ATG10: variants seen among roughly 807,000 people sequenced by gnomAD.
ATG10 encodes the protein autophagy related 10, also known as ubiquitin-like-conjugating enzyme ATG10.
ATG10 carries 30 observed loss-of-function variants against 32.1 expected under a neutral mutation model. That is an observed-to-expected ratio of 0.94 (90% CI 0.70 to 1.27). The LOEUF is 1.27. Among genes scored for constraint, ATG10 ranks in the 50% most tolerant of loss-of-function variants. The probability of loss-of-function intolerance (pLI) is 0.00; values close to 1 mark genes in which losing one functional copy is unlikely to be tolerated. For missense variants in ATG10, 233 were observed against 262.3 expected (o/e 0.89, Z 0.77); for synonymous variants, 87 against 91.5 (o/e 0.95, Z 0.28).
At chr5:82,202,199 A>G (rs1745095315) in intron 5 of ATG10, among the ~76,000 whole-genome samples, 1 of 152,196 alleles carries the variant, frequency 6.6e-6, no homozygotes, top group Non-Finnish European at 1.5e-5. Context: ...TCAGTTGGCC[A>G]GGCTATGGTA....
Position 82,046,386 on chromosome 5 carries a change from C to T in ATG10, c.109-12109C>T, listed in dbSNP as rs1763237774. Among the ~76,000 whole-genome samples, 5 of 152,282 alleles carry T rather than the reference C, an allele frequency of 3.3e-5. No individual in the cohort carries two copies. In the South Asian group the frequency reaches 1.0e-3, roughly 32 times the overall value. On this transcript the variant is annotated intron_variant, in intron 2 of 7. Transcript: ENST00000282185. ...AAATTTGGCCACAGAGACCCAGACA[C>T]ACAGGGGAGAAGGCTGTGTAAAGAC...
At position 82,067,866 on chromosome 5, in the gene ATG10, C is replaced by T. The variant is rs1763988677; in HGVS notation, c.216+9264C>T. Among the ~76,000 whole-genome samples the T allele has an allele frequency of 2.0e-5, 3 of 152,026 alleles. No individual in the cohort carries two copies. In the South Asian group the frequency reaches 6.2e-4, roughly 32 times the overall value. ...AAGTTATATCAGAAAGTTTTCTTTA[C>T]ATATAGTTGTAATTTTGAGGTATTT... On this transcript the variant is annotated intron_variant, in intron 3 of 7. Coordinates refer to ENST00000282185, the MANE Select transcript of ATG10 (RefSeq NM_031482.5).
In ATG10 at chr5:82,138,274, G is replaced by GA. The variant is rs753024733; in HGVS notation, c.217-26116dup. 4.2e-3 allele frequency among the ~76,000 whole-genome samples: 629 copies of GA among 151,404 alleles called. 12 individuals carry two copies. Among genetic ancestry groups the GA allele is most frequent in the Non-Finnish European group, 2.0e-3 (138 of 67,740 alleles). On this transcript the variant is annotated intron_variant, in intron 3 of 7. Coordinates refer to ENST00000282185, the MANE Select transcript of ATG10 (RefSeq NM_031482.5). The stretch of plus-strand genomic sequence containing the variant: ...GGTGTTCCAGGAGCCACTGGGGTAT[G>GA]AAAAAAAAACTCCTGCAGCTACCTT...
chr5:82,202,237 A>C (rs1745096482), intron 5 of ATG10, among the ~76,000 whole-genome samples: 1 of 152,174 alleles, frequency 6.6e-6, no homozygotes, highest in Non-Finnish European at 1.5e-5. Flanking sequence ...ACATTATTCT[A>C]GCTGTTTCTC....
chr5:82,226,401 A>G (rs949733667), intron 5 of ATG10, among the ~76,000 whole-genome samples: 1 of 151,836 alleles, frequency 6.6e-6, no homozygotes, highest in Non-Finnish European at 1.5e-5. Context: ...TTGGTAGACT[A>G]TGTATAGTCA....
chr5:82,137,267 G>A (rs1432530137), intron 3 of ATG10, among the ~76,000 whole-genome samples: 7 of 151,952 alleles, frequency 4.6e-5, no homozygotes, highest in Non-Finnish European at 5.9e-5. Flanking sequence ...GCAAGCAGTT[G>A]TGATCCTTGA....
intron 4 of ATG10, among the ~76,000 whole-genome samples, chr5:82,167,223 A>G (rs552021435): frequency 6.6e-5 from 10 of 152,282 alleles, no homozygotes; most frequent in Admixed American, 5.9e-4. Flanking sequence ...CTATTATATC[A>G]CAATTTGTAC....
chr5:81,988,825 CTG>C (rs1399746460), intron 2 of ATG10, among the ~76,000 whole-genome samples: 1 of 152,084 alleles, frequency 6.6e-6, no homozygotes, highest in Non-Finnish European at 1.5e-5. Context: ...CTGTCAAAAA[CTG>C]TTTTTTTGTT....
intron 3 of ATG10, among the ~76,000 whole-genome samples, chr5:82,132,661 G>A (rs1341204269): frequency 7.2e-5 from 11 of 151,938 alleles, no homozygotes; most frequent in Admixed American, 2.6e-4. Flanking sequence ...TCATTGATGG[G>A]CATTTGGGTT....
chr5:82,146,429 T>G (rs999922466), intron 3 of ATG10, among the ~76,000 whole-genome samples: 2 of 152,088 alleles, frequency 1.3e-5, no homozygotes, highest in African/African-American at 4.8e-5. Context: ...AGAGTGGTTG[T>G]CTAAACTTCT....
At chr5:82,237,636 C>T (rs1746618068) in intron 5 of ATG10, among the ~76,000 whole-genome samples, 1 of 150,936 alleles carries the variant, frequency 6.6e-6, no homozygotes, top group African/African-American at 2.4e-5. Flanking sequence ...GAGCGAGATT[C>T]CTTCTCAAAA....
At chr5:82,252,730 T>C in intron 6 of ATG10, 71 bp downstream of exon 6, 1 of 867,328 alleles carries the variant, frequency 1.2e-6, no homozygotes, top group Non-Finnish European at 1.8e-6. Context: ...TATGTGACTC[T>C]AAATGCTAGG....
chr5:82,117,494 G>A (rs1475253906), intron 3 of ATG10, among the ~76,000 whole-genome samples: 1 of 152,104 alleles, frequency 6.6e-6, no homozygotes, highest in Non-Finnish European at 1.5e-5. Flanking sequence ...TCTTTGTCTT[G>A]TCTGGTTTTG....
intron 2 of ATG10, among the ~76,000 whole-genome samples, chr5:81,991,200 C>T (rs917009525): frequency 6.6e-5 from 10 of 152,184 alleles, no homozygotes; most frequent in African/African-American, 1.9e-4. Context: ...GTGAATCAGT[C>T]GCTTGGTTAT....
At chr5:82,075,326 C>T (rs1428914351) in intron 3 of ATG10, among the ~76,000 whole-genome samples, 3 of 152,232 alleles carry the variant, frequency 2.0e-5, no homozygotes, top group African/African-American at 7.2e-5. Context: ...TTTTCAGTGC[C>T]TGAAACATGT....
chr5:82,184,022 G>A (rs1744351400), intron 5 of ATG10, among the ~76,000 whole-genome samples: 1 of 152,182 alleles, frequency 6.6e-6, no homozygotes, highest in Non-Finnish European at 1.5e-5. Context: ...TTAGTGGTAT[G>A]ACAAGTGGTT....
At chr5:82,093,349 A>C (rs1764953615) in intron 3 of ATG10, among the ~76,000 whole-genome samples, 1 of 152,132 alleles carries the variant, frequency 6.6e-6, no homozygotes, top group Non-Finnish European at 1.5e-5. Flanking sequence ...TATGTCTTCA[A>C]GTTCACTAAG....
chr5:82,160,524 A>G (rs1743278072), intron 3 of ATG10, among the ~76,000 whole-genome samples: 1 of 152,164 alleles, frequency 6.6e-6, no homozygotes. Flanking sequence ...CCTCGAGTGC[A>G]GTTGGTCGGT....
At chr5:82,043,738 C>T (rs1019134001) in intron 2 of ATG10, among the ~76,000 whole-genome samples, 1 of 152,200 alleles carries the variant, frequency 6.6e-6, no homozygotes, top group Non-Finnish European at 1.5e-5. Flanking sequence ...GGGCAAAATG[C>T]TGCCAGTCTC....
Sources: gnomAD v4.1 joint callset for allele counts (sites outside exome capture counted in the v4.1 genomes callset) on GRCh38, gnomAD v4.1.1 for gene constraint, MANE v1.5 for transcripts, NCBI Gene and HGNC (gene_info 2026-07-23, HGNC 2026-07-21) for gene names.